The following NEXMIF variants were observed in gnomAD, a reference collection of about 807,000 sequenced individuals.
NEXMIF encodes the protein neurite extension and migration factor, also known as XLMR protein related to neurite extension.
Under a neutral mutation model 62.1 loss-of-function variants are expected in NEXMIF, and 8 were observed. The observed-to-expected ratio is 0.13, with a 90% CI of 0.08 to 0.23. The LOEUF (loss-of-function observed/expected upper bound fraction) is 0.23. NEXMIF is among the 10% of genes least tolerant of loss of function. The pLI is 1.00. For missense variants in NEXMIF, 976 were observed against 1,113.3 expected (o/e 0.88, Z 1.75); for synonymous variants, 404 against 416.6 (o/e 0.97, Z 0.37).
chrX:74,790,382 T>C (rs1368880927), intron 1 of NEXMIF, among the ~76,000 whole-genome samples: 1 of 113,597 alleles, frequency 8.8e-6, no homozygotes, highest in Non-Finnish European at 1.9e-5. Context: ...ACTGTAGCCT[T>C]GTAGTACAGT....
At chrX:74,884,354 T>C (rs1381463429) in intron 1 of NEXMIF, among the ~76,000 whole-genome samples, 3 of 111,391 alleles carry the variant, frequency 2.7e-5, no homozygotes, top group Admixed American at 1.9e-4. Flanking sequence ...GACTGGCAAA[T>C]TGGATAAAGA....
chrX:74,865,889 C>T (rs2080577255), intron 1 of NEXMIF, among the ~76,000 whole-genome samples: 1 of 111,687 alleles, frequency 9.0e-6, no homozygotes, highest in African/African-American at 3.3e-5. Context: ...TATGGAAATG[C>T]CTGGATGTCC....
At chrX:74,748,759 A>G (rs142740516) in intron 1 of NEXMIF, among the ~76,000 whole-genome samples, 1,170 of 111,776 alleles carry the variant, frequency 0.01, 17 homozygotes, top group African/African-American at 0.035. Context: ...GTAGGCTGCT[A>G]TCCTCTTCCC....
intron 1 of NEXMIF, among the ~76,000 whole-genome samples, chrX:74,788,325 A>G (rs2080267145): frequency 1.8e-5 from 2 of 111,946 alleles, no homozygotes; most frequent in Non-Finnish European, 3.8e-5. Context: ...TAATATCAAT[A>G]GTATTTCATA....
intron 1 of NEXMIF, among the ~76,000 whole-genome samples, chrX:74,780,536 T>C (rs974245186): frequency 5.0e-5 from 5 of 99,061 alleles, no homozygotes; most frequent in African/African-American, 2.0e-4. Flanking sequence ...GCCTGGCTAA[T>C]TTTTTTTTTT....
At chrX:74,826,359 GTTGT>G (rs1285722593) in intron 1 of NEXMIF, among the ~76,000 whole-genome samples, 5 of 111,935 alleles carry the variant, frequency 4.5e-5, no homozygotes, top group Non-Finnish European at 9.4e-5. Flanking sequence ...TTTTAATGGG[GTTGT>G]TTGTTTTCTT....
intron 1 of NEXMIF, among the ~76,000 whole-genome samples, chrX:74,894,271 G>C (rs979643185): frequency 9.0e-6 from 1 of 111,353 alleles, no homozygotes; most frequent in Non-Finnish European, 1.9e-5. Flanking sequence ...ACTCCAGCCT[G>C]GGTGGCAGAG....
intron 1 of NEXMIF, among the ~76,000 whole-genome samples, chrX:74,922,645 T>C (rs2080830821): frequency 8.9e-6 from 1 of 112,126 alleles, no homozygotes; most frequent in South Asian, 3.7e-4. Context: ...CCATTTCATC[T>C]CTACTCAAAC....
intron 1 of NEXMIF, among the ~76,000 whole-genome samples, chrX:74,779,646 G>A (rs1399359975): frequency 8.9e-6 from 1 of 111,805 alleles, no homozygotes; most frequent in Admixed American, 9.5e-5. Context: ...TTCTTCCTCT[G>A]TCTTTCTTAA....
At chrX:74,774,998 C>G (rs187050886) in intron 1 of NEXMIF, among the ~76,000 whole-genome samples, 2 of 111,718 alleles carry the variant, frequency 1.8e-5, no homozygotes, top group Non-Finnish European at 1.9e-5. Context: ...TATTAGGCCA[C>G]CTATGGACTA....
At chrX:74,796,126 T>TATATATAATATATATATAATATATATAC (rs1569345062) in intron 1 of NEXMIF, among the ~76,000 whole-genome samples, 1 of 75,370 alleles carries the variant, frequency 1.3e-5, no homozygotes, top group East Asian at 3.8e-4. Context: ...TATATATATT[T>TATATATAATATATATATAATATATATAC]ATATATAATA....
chrX:74,866,769 C>T (rs1036319514), intron 1 of NEXMIF, among the ~76,000 whole-genome samples: 20 of 112,721 alleles, frequency 1.8e-4, no homozygotes, highest in Non-Finnish European at 3.6e-4. Flanking sequence ...AACATGTGCT[C>T]TGGCATGCTG....
chrX:74,733,825 A>G lies in NEXMIF; in HGVS notation c.*5580T>C, dbSNP rs2080078861. 8.9e-6 allele frequency: 1 copy of G among 112,650 alleles called. No individual in the cohort carries two copies. Among genetic ancestry groups the G allele is most frequent in the African/African-American group, 3.2e-5 (1 of 30,959 alleles). The allele number at this position is 112,650 out of a possible 1,213,427, so 9.3% of individuals were successfully genotyped here. On this transcript the variant is annotated 3_prime_UTR_variant, in exon 4 of 4. Transcript: ENST00000055682. Reference sequence around the variant, plus strand: ...GTTTTGTGTTACAAAATTTCCAACAAAAGTGTATTTTTTTTCTTTGTATTG... The same window carrying G: ...GTTTTGTGTTACAAAATTTCCAACAGAAGTGTATTTTTTTTCTTTGTATTG...
intron 1 of NEXMIF, among the ~76,000 whole-genome samples, chrX:74,754,315 T>A (rs1378259962): frequency 3.7e-5 from 4 of 106,931 alleles, no homozygotes; most frequent in African/African-American, 1.4e-4. Flanking sequence ...TTTTTTTATT[T>A]TTTTTTTTTG....
chrX:74,891,036 A>C (rs2080716171), intron 1 of NEXMIF, among the ~76,000 whole-genome samples: 1 of 112,097 alleles, frequency 8.9e-6, no homozygotes, highest in African/African-American at 3.2e-5. Flanking sequence ...GGAGAGGAGA[A>C]AAGGGAGCGA....
intron 1 of NEXMIF, among the ~76,000 whole-genome samples, chrX:74,819,794 C>G: frequency 8.9e-6 from 1 of 111,884 alleles, no homozygotes; most frequent in East Asian, 2.8e-4. Flanking sequence ...CCTCAAGATT[C>G]TAGAACTAGA....
chrX:74,808,385 C>T (rs2080351160), intron 1 of NEXMIF, among the ~76,000 whole-genome samples: 1 of 111,473 alleles, frequency 9.0e-6, no homozygotes, highest in Non-Finnish European at 1.9e-5. Context: ...GCCTGGGTGA[C>T]AAAGTGAGTG....
At chrX:74,750,513 G>C (rs993599273) in intron 1 of NEXMIF, among the ~76,000 whole-genome samples, 5 of 111,914 alleles carry the variant, frequency 4.5e-5, no homozygotes, top group African/African-American at 1.6e-4. Flanking sequence ...TCTTCAGGTT[G>C]GGTTAGGGAC....
chrX:74,910,048 G>A (rs2080783367), intron 1 of NEXMIF, among the ~76,000 whole-genome samples: 1 of 112,710 alleles, frequency 8.9e-6, no homozygotes. Flanking sequence ...GGGCAGTGCA[G>A]AAGAAAAATG....
Sources: gnomAD v4.1 joint callset for allele counts (sites outside exome capture counted in the v4.1 genomes callset) on GRCh38, gnomAD v4.1.1 for gene constraint, MANE v1.5 for transcripts, NCBI Gene and HGNC (gene_info 2026-07-23, HGNC 2026-07-21) for gene names.